The following NSD1 variants were observed in gnomAD, a reference collection of about 807,000 sequenced individuals.
The protein encoded by NSD1 is histone-lysine N-methyltransferase, H3 lysine-36 specific.
Under a neutral mutation model 242.7 loss-of-function variants are expected in NSD1, and 26 were observed. The observed-to-expected ratio is 0.11, with a 90% CI of 0.08 to 0.15. NSD1 has a LOEUF of 0.15. Ranked by LOEUF, NSD1 falls within the 10% of genes least tolerant of loss-of-function variation. NSD1 has a pLI of 1.00. For synonymous variants in NSD1, 1,106 were observed against 1,178.1 expected, an observed-to-expected ratio of 0.94 and a Z score of 1.25; for missense variants, 2,495 against 3,272.8, an observed-to-expected ratio of 0.76 and a Z score of 5.80.
chr5:177,213,751 G>A (rs1444365510), intron 5 of NSD1, among the ~76,000 whole-genome samples: 2 of 152,130 alleles, frequency 1.3e-5, no homozygotes, highest in African/African-American at 2.4e-5. Context: ...GATTACAGGC[G>A]TGAGCCACTG....
In NSD1 at chr5:177,295,196, C is replaced by G; in HGVS notation, c.7828C>G (p.Leu2610Val). 2 of 1,614,254 alleles carry G rather than the reference C, an allele frequency of 1.2e-6. No individual in the cohort carries two copies. The highest frequency in any genetic ancestry group is 1.7e-6 in the Non-Finnish European group (2 of 1,180,054). The change falls in exon 23 of 23, where the codon CTC becomes GTC. Residue 2610 changes from leucine to valine, a missense_variant. This residue lies in a region of NSD1 where 475 missense variants were observed against 563.7 expected (regional missense o/e 0.84). Transcript: ENST00000439151. This position sits in a 1 kb window ranked among gnomAD's most constrained non-coding sequence, Gnocchi z 4.3. The part of the protein sequence containing the change: ...FRSLGKAPAS[L>V]PTEEKKLVTT... ...GTCTCTCGGGAAGGCCCCAGCCTCC[C>G]TCCCCACTGAAGAAAAGAAGTTGGT... is the stretch of plus-strand genomic sequence containing the variant.
intron 14 of NSD1, among the ~76,000 whole-genome samples, chr5:177,261,541 T>A (rs1367401993): frequency 6.6e-6 from 1 of 152,192 alleles, no homozygotes; most frequent in Non-Finnish European, 1.5e-5. Flanking sequence ...GTACCTAAAG[T>A]TCTGAATTCG....
chr5:177,149,873 G>A (rs79128296), intron 2 of NSD1, among the ~76,000 whole-genome samples: 6 of 152,154 alleles, frequency 3.9e-5, no homozygotes, highest in East Asian at 3.9e-4. Context: ...TGGCCTGGGC[G>A]TTGGGGACCC....
chr5:177,267,509 A>G (rs1052825959), intron 14 of NSD1, 53 bp from the exon 15 acceptor site: 1 of 1,478,976 alleles, frequency 6.8e-7, no homozygotes, highest in African/African-American at 1.4e-5. Flanking sequence ...GGATGTACAC[A>G]TACATGACTT....
At chr5:177,275,623 T>A (rs958942358) in intron 17 of NSD1, among the ~76,000 whole-genome samples, 2 of 151,574 alleles carry the variant, frequency 1.3e-5, no homozygotes, top group Non-Finnish European at 2.9e-5. Context: ...TTAGTAGAGA[T>A]GGGGTTTCAC....
At chr5:177,242,228 TA>T (rs141643551) in intron 8 of NSD1, among the ~76,000 whole-genome samples, 7,382 of 152,242 alleles carry the variant, frequency 0.048, 195 homozygotes, top group South Asian at 0.082. Context: ...GGGTAACTGT[TA>T]AACAATGAAC....
rs983178865 is a variant in NSD1 at position 177,293,821 on chromosome 5, T to C, written c.6464-11T>C. The C allele has an allele frequency of 6.2e-7, 1 of 1,614,052 alleles. No homozygotes were observed. Among genetic ancestry groups the C allele is most frequent in the Non-Finnish European group, 8.5e-7 (1 of 1,180,000 alleles). ...TTTTCCTAAACTTTTGATTTACTTC[T>C]GTGTTTTCAGGGAAATGGGAATGTC... On this transcript the variant is annotated splice_polypyrimidine_tract_variant and intron_variant, in intron 22 of 22. Coordinates refer to ENST00000439151, the MANE Select transcript of NSD1 (RefSeq NM_022455.5).
chr5:177,133,525 C>A (rs999605075), upstream of NSD1: 22 of 151,432 alleles, frequency 1.5e-4, no homozygotes, highest in Non-Finnish European at 2.1e-4. The surrounding 1 kb of genome is among the most constrained non-coding windows in gnomAD (Gnocchi z 6.2). Context: ...GGCCCGTAGG[C>A]CCCGGCCGCG....
chr5:177,284,058 C>T, intron 20 of NSD1, 130 bp downstream of exon 20: 1 of 1,171,614 alleles, frequency 8.5e-7, no homozygotes, highest in Non-Finnish European at 1.3e-6. Flanking sequence ...AGTTCATTTA[C>T]ATTTTTGTGC....
At chr5:177,262,142 G>C (rs1757045039) in intron 14 of NSD1, among the ~76,000 whole-genome samples, 1 of 152,118 alleles carries the variant, frequency 6.6e-6, no homozygotes, top group Non-Finnish European at 1.5e-5. Flanking sequence ...AAGTTTAAAT[G>C]GTCTCTGGTC....
chr5:177,200,468 T>C (rs1227498860), intron 3 of NSD1, among the ~76,000 whole-genome samples: 1 of 152,184 alleles, frequency 6.6e-6, no homozygotes, highest in Non-Finnish European at 1.5e-5. Flanking sequence ...GGCAGTTCAG[T>C]AGCATTAAGT....
chr5:177,285,500 C>T (rs1581539363), intron 20 of NSD1, among the ~76,000 whole-genome samples: 1 of 128,548 alleles, frequency 7.8e-6, no homozygotes, highest in East Asian at 2.3e-4. Flanking sequence ...GGAGGCAGAG[C>T]TTGTAGTGAG....
chr5:177,294,457 A>G lies in NSD1; in HGVS notation c.7089A>G (p.Lys2363=), dbSNP rs773035182. Residue 2363 remains lysine (K), a synonymous_variant, in exon 23 of 23, where the codon AAA becomes AAG. Coordinates refer to ENST00000439151, the MANE Select transcript of NSD1 (RefSeq NM_022455.5). ...GGACGGCTGACCCAAGGCTGGATAA[A>G]TCCATAGGTGCTGCCAGCCCAAGGC... ...PLGTADPRLD[K]SIGAASPRPQ... 5 of 1,614,176 alleles carry G rather than the reference A, an allele frequency of 3.1e-6. No homozygotes were observed. In the South Asian group the frequency reaches 5.5e-5, roughly 18 times the overall value.
intron 5 of NSD1, among the ~76,000 whole-genome samples, chr5:177,232,232 AC>A (rs1388405071): frequency 2.0e-5 from 3 of 152,314 alleles, no homozygotes; most frequent in Admixed American, 6.5e-5. Flanking sequence ...CAGTAATACA[AC>A]CATATGATAC....
At chr5:177,215,866 A>G (rs560785418) in intron 5 of NSD1, among the ~76,000 whole-genome samples, 1 of 152,080 alleles carries the variant, frequency 6.6e-6, no homozygotes, top group African/African-American at 2.4e-5. Flanking sequence ...TTGTCCATAT[A>G]CATATGTTTT....
chr5:177,197,153 C>T (rs978282422), intron 3 of NSD1, among the ~76,000 whole-genome samples: 1 of 151,860 alleles, frequency 6.6e-6, no homozygotes, highest in Non-Finnish European at 1.5e-5. Context: ...GCCTGTAATC[C>T]CAGCTACTGG....
At chr5:177,168,603 G>A (rs1212060155) in intron 2 of NSD1, among the ~76,000 whole-genome samples, 1 of 151,998 alleles carries the variant, frequency 6.6e-6, no homozygotes, top group African/African-American at 2.4e-5. Context: ...TGGGATTACA[G>A]GTGCCCACCA....
intron 2 of NSD1, among the ~76,000 whole-genome samples, chr5:177,171,164 C>A (rs1300307540): frequency 1.3e-5 from 2 of 151,768 alleles, no homozygotes; most frequent in African/African-American, 4.8e-5. Flanking sequence ...AATAAAAATA[C>A]AAAAATTAGT....
intron 12 of NSD1, among the ~76,000 whole-genome samples, chr5:177,252,381 C>G (rs1756042227): frequency 6.6e-6 from 1 of 151,970 alleles, no homozygotes; most frequent in South Asian, 2.1e-4. Context: ...GATGCGTGTA[C>G]TTTATGGTGT....
Sources: allele counts gnomAD v4.1 joint callset (sites outside exome capture counted in the v4.1 genomes callset), GRCh38; gene constraint gnomAD v4.1.1; regional missense constraint gnomAD v4.1.1; non-coding constraint Gnocchi (gnomAD v3.1); transcripts MANE v1.5; gene names NCBI Gene and HGNC (gene_info 2026-07-23, HGNC 2026-07-21).